Variants in RPS6KC1 observed in about 807,000 individuals in gnomAD.
RPS6KC1 encodes the protein ribosomal protein S6 kinase C1, also known as inactive ribosomal protein S6 kinase delta-1.
In RPS6KC1, 54 loss-of-function variants were observed where a neutral mutation model predicts 103.8. The observed-to-expected ratio is 0.52, with a 90% CI of 0.42 to 0.65. The LOEUF (loss-of-function observed/expected upper bound fraction) is 0.65. Ranked by LOEUF, RPS6KC1 falls within the 30% of genes least tolerant of loss-of-function variation. RPS6KC1 has a pLI of 0.00. For synonymous variants in RPS6KC1, 439 were observed against 438.7 expected (o/e 1.00, Z -0.01); for missense variants, 1,151 against 1,253.8 (o/e 0.92, Z 1.24).
the RPS6KC1 span, among the ~76,000 whole-genome samples, chr1:213,343,412 T>C: frequency 0.017 from 473 of 27,458 alleles, 30 homozygotes; most frequent in African/African-American, 0.035. Context: ...TATATATATA[T>C]ATATATATAT....
chr1:213,351,316 A>G, the RPS6KC1 span, among the ~76,000 whole-genome samples: 8 of 152,344 alleles, frequency 5.3e-5, no homozygotes, highest in Non-Finnish European at 1.0e-4. Context: ...TGAAGTCTAT[A>G]AAAGCGCAAA....
At chr1:213,326,220 G>GA in the RPS6KC1 span, among the ~76,000 whole-genome samples, 1 of 151,136 alleles carries the variant, frequency 6.6e-6, no homozygotes, top group Non-Finnish European at 1.5e-5. Context: ...AAAGAAAAAA[G>GA]AAAAAAAAGA....
chr1:213,629,172 T>A, the RPS6KC1 span, among the ~76,000 whole-genome samples: 1 of 152,206 alleles, frequency 6.6e-6, no homozygotes, highest in Non-Finnish European at 1.5e-5. Flanking sequence ...TGTCTAATGT[T>A]GACAGTGGGG....
the RPS6KC1 span, among the ~76,000 whole-genome samples, chr1:213,721,978 C>T: frequency 6.6e-6 from 1 of 152,264 alleles, no homozygotes; most frequent in East Asian, 1.9e-4. Context: ...TAGCTTTCCT[C>T]TACTGAGAAA....
the RPS6KC1 span, among the ~76,000 whole-genome samples, chr1:213,672,481 A>G: frequency 6.6e-6 from 1 of 152,216 alleles, no homozygotes; most frequent in African/African-American, 2.4e-5. Flanking sequence ...TGAAAGTGAG[A>G]CAGTGAAAAT....
At chr1:213,658,978 T>A in the RPS6KC1 span, among the ~76,000 whole-genome samples, 7,063 of 152,198 alleles carry the variant, frequency 0.046, 269 homozygotes, top group East Asian at 0.16. Context: ...TTTTTCTTTT[T>A]TTTTGAGATG....
At chr1:213,569,917 C>T in the RPS6KC1 span, among the ~76,000 whole-genome samples, 1 of 152,198 alleles carries the variant, frequency 6.6e-6, no homozygotes, top group African/African-American at 2.4e-5. Context: ...CACCCAAATC[C>T]TTTCCATAGG....
chr1:213,482,870 G>C, the RPS6KC1 span, among the ~76,000 whole-genome samples: 1 of 151,846 alleles, frequency 6.6e-6, no homozygotes, highest in African/African-American at 2.4e-5. Flanking sequence ...TGAGATAAGT[G>C]TTATGTCTGG....
chr1:213,553,335 G>A, the RPS6KC1 span, among the ~76,000 whole-genome samples: 1 of 152,062 alleles, frequency 6.6e-6, no homozygotes, highest in African/African-American at 2.4e-5. Context: ...TGCGAAGGAC[G>A]TGGTTTCATT....
At chr1:213,558,462 A>G in the RPS6KC1 span, among the ~76,000 whole-genome samples, 2 of 152,106 alleles carry the variant, frequency 1.3e-5, no homozygotes, top group Non-Finnish European at 2.9e-5. Flanking sequence ...CCAAAACATG[A>G]ATGATCTCTA....
the RPS6KC1 span, among the ~76,000 whole-genome samples, chr1:213,494,972 T>A: frequency 2.0e-5 from 3 of 150,682 alleles, no homozygotes; most frequent in South Asian, 6.2e-4. Context: ...GATTTAGACT[T>A]CTTAGCTACA....
chr1:213,742,366 C>T, the RPS6KC1 span, among the ~76,000 whole-genome samples: 14 of 152,280 alleles, frequency 9.2e-5, no homozygotes, highest in South Asian at 4.1e-4. Context: ...ACTTATTTGA[C>T]GTAGAATCTT....
the RPS6KC1 span, among the ~76,000 whole-genome samples, chr1:213,403,844 G>A: frequency 6.6e-6 from 1 of 151,650 alleles, no homozygotes; most frequent in East Asian, 1.9e-4. Context: ...TCCATGTATG[G>A]GTGAGGCCTG....
In RPS6KC1 at chr1:213,051,275, C is replaced by G. The variant is rs1572191539; in HGVS notation, c.-130C>G. On this transcript the variant is annotated 5_prime_UTR_variant, in exon 1 of 15. Transcript: ENST00000366960. ...GCAGAGCTGTGCAGCTGAGGCGCCG[C>G]CGTGGAGCCGCCTTGGAGCCACCGC... The G allele has an allele frequency of 1.5e-6, 1 of 646,864 alleles. No individual in the cohort carries two copies. 40.1% of individuals were successfully genotyped at this position (646,864 alleles called of 1,614,324 possible).
At chr1:213,487,838 G>T in the RPS6KC1 span, among the ~76,000 whole-genome samples, 5 of 150,528 alleles carry the variant, frequency 3.3e-5, no homozygotes, top group South Asian at 4.2e-4. Context: ...AGAATATGAT[G>T]TTATTATTAT....
At chr1:213,558,769 A>G in the RPS6KC1 span, among the ~76,000 whole-genome samples, 1 of 152,216 alleles carries the variant, frequency 6.6e-6, no homozygotes, top group African/African-American at 2.4e-5. Flanking sequence ...GTTTCAGCCA[A>G]TCAAAGGTGG....
At chr1:213,676,877 C>T in the RPS6KC1 span, among the ~76,000 whole-genome samples, 1 of 152,224 alleles carries the variant, frequency 6.6e-6, no homozygotes, top group Non-Finnish European at 1.5e-5. Flanking sequence ...ACAGTGGCAG[C>T]TTTTAAATAC....
chr1:213,457,367 T>C, the RPS6KC1 span, among the ~76,000 whole-genome samples: 1 of 152,358 alleles, frequency 6.6e-6, no homozygotes, highest in African/African-American at 2.4e-5. Flanking sequence ...TGATTTGCTT[T>C]GACTGTTTGA....
At chr1:213,454,233 G>A in the RPS6KC1 span, among the ~76,000 whole-genome samples, 1 of 152,076 alleles carries the variant, frequency 6.6e-6, no homozygotes, top group Admixed American at 6.6e-5. Context: ...CAAAGACCAT[G>A]CTCTTTGAAC....
Sources: allele counts gnomAD v4.1 joint callset (sites outside exome capture counted in the v4.1 genomes callset), GRCh38; gene constraint gnomAD v4.1.1; transcripts MANE v1.5; gene names NCBI Gene and HGNC (gene_info 2026-07-23, HGNC 2026-07-21).